The following CFB variants were observed in gnomAD, a reference collection of about 807,000 sequenced individuals.
CFB encodes the protein complement factor B.
Under a neutral mutation model 97.2 loss-of-function variants are expected in CFB, and 59 were observed. The observed-to-expected ratio is 0.61, with a 90% CI of 0.49 to 0.75. The LOEUF is 0.75. Among genes scored for constraint, CFB ranks in the 30% least tolerant of loss-of-function variants. The pLI is 0.00. For synonymous variants in CFB, 316 were observed against 351.7 expected (o/e 0.90, Z 1.14); for missense variants, 771 against 959.8 (o/e 0.80, Z 2.60).
Position 31,948,485 on chromosome 6 carries a change from A to G in CFB, c.1009A>G (p.Lys337Glu), listed in dbSNP as rs769828043. 6.2e-7 allele frequency: 1 copy of G among 1,614,086 alleles called. No homozygotes were observed. Among genetic ancestry groups the G allele is most frequent in the Admixed American group, 1.7e-5 (1 of 59,998 alleles). Residue 337 changes from lysine to glutamate, a missense_variant, in exon 7 of 18, where the codon AAG (lysine) becomes GAG (glutamate). By Grantham distance (56) the Lys-to-Glu change is moderately conservative. Transcript: ENST00000425368. The stretch of plus-strand genomic sequence containing the variant: ...CAGCAGTAATGCAGACTGGGTCACG[A>G]AGCAGCTCAATGAAATCAATTATGA... The part of the protein sequence containing the change: ...ADSSNADWVT[K>E]QLNEINYEDH...
rs761804327 is a variant in CFB at position 31,947,027 on chromosome 6, C to A, written c.319C>A (p.His107Asn). 3 of 1,613,012 alleles carry A rather than the reference C, an allele frequency of 1.9e-6. No homozygotes were observed. ...CAAAGCAATCCACTGTCCAAGACCA[C>A]ACGACTTCGAGAACGGGGAATACTG... ...ECRAIHCPRP[H>N]DFENGEYWPR... Residue 107 changes from histidine to asparagine, a missense_variant, in exon 3 of 18, where the codon CAC becomes AAC. Transcript: ENST00000425368. This position sits in a 1 kb window ranked among gnomAD's most constrained non-coding sequence, Gnocchi z 5.3.
At chr6:31,949,981 A>G in intron 10 of CFB, 69 bp from the exon 11 acceptor site, 2 of 1,470,992 alleles carry the variant, frequency 1.4e-6, no homozygotes, top group South Asian at 2.3e-5. Context: ...ATAGACTCCT[A>G]CCCAAAAGGC....
Position 31,946,167 on chromosome 6 carries a change from A to T in CFB, c.-55A>T. 1 of 1,589,022 alleles carries T rather than the reference A, an allele frequency of 6.3e-7. No homozygotes were observed. ...CTGAGCCAAGCAGACAAGCAAAGCA[A>T]GCCAGGACACACCATCCTGCCCCAG... On this transcript the variant is annotated 5_prime_UTR_variant, in exon 1 of 18. In the 5' UTR this introduces an upstream ATG that the reference lacks. Transcript: ENST00000425368. The surrounding 1 kb of genome is among the most constrained non-coding windows in gnomAD (Gnocchi z 6.4).
At chr6:31,949,969 C>A in intron 10 of CFB, 81 bp from the exon 11 acceptor site, 1 of 1,361,352 alleles carries the variant, frequency 7.3e-7, no homozygotes, top group Non-Finnish European at 1.1e-6. Context: ...CCTTTGCTCC[C>A]CATAGACTCC....
At position 31,950,705 on chromosome 6, in the gene CFB, G is replaced by T; in HGVS notation, c.1711G>T (p.Glu571Ter). 6.2e-7 allele frequency: 1 copy of T among 1,613,080 alleles called. No homozygotes were observed. The highest frequency in any genetic ancestry group is 8.5e-7 in the Non-Finnish European group (1 of 1,180,030). Residue 571 changes from glutamate (E) to a stop codon, truncating the protein, a stop_gained, in exon 13 of 18, where the codon GAA becomes TAA. Coordinates refer to ENST00000425368, the MANE Select transcript of CFB (RefSeq NM_001710.6). LOFTEE classifies it high-confidence loss of function. ...TGGGAAAAAAGAAGCAGGAATTCCT[G>T]AATTTTATGACTATGACGTTGCCCT... is the stretch of plus-strand genomic sequence containing the variant. ...INGKKEAGIP[E>*]FYDYDVALIK...
chr6:31,950,474 C>A, intron 12 of CFB, 71 bp downstream of exon 12: 1 of 1,562,418 alleles, frequency 6.4e-7, no homozygotes. Context: ...TTCTACAGAT[C>A]CTACACTCCA....
chr6:31,946,415 C>A lies in CFB; in HGVS notation c.107C>A (p.Ser36Tyr). The change falls in exon 2 of 18, where the codon TCC (serine) becomes TAC (tyrosine). Residue 36 changes from serine (S) to tyrosine (Y), a missense_variant. Ser to Tyr is a moderately radical substitution (Grantham distance 144). Transcript: ENST00000425368. This position sits in a 1 kb window ranked among gnomAD's most constrained non-coding sequence, Gnocchi z 6.4. Reference protein sequence around the residue: ...TPWSLARPQGSCSLEGVEIKG... With the variant: ...TPWSLARPQGYCSLEGVEIKG... ...TGGTCTTTGGCCCGGCCCCAGGGAT[C>A]CTGCTCTCTGGAGGGGGTAGAGATC... 6.2e-7 allele frequency: 1 copy of A among 1,613,082 alleles called. No homozygotes were observed. The highest frequency in any genetic ancestry group is 1.3e-5 in the African/African-American group (1 of 75,056).
chr6:31,951,873 A>G lies in CFB; in HGVS notation c.2140-2A>G. On this transcript the variant is annotated splice_acceptor_variant, in intron 17 of 17. Transcript: ENST00000425368. LOFTEE classifies it high-confidence loss of function. This position sits in a 1 kb window ranked among gnomAD's most constrained non-coding sequence, Gnocchi z 4.3. ...ATCCATGGCACCCCACTGCCTCTGC[A>G]GGTTGGTGTAATCAGCTGGGGAGTA... 2 of 1,613,232 alleles carry G rather than the reference A, an allele frequency of 1.2e-6. No homozygotes were observed. The highest frequency in any genetic ancestry group is 1.7e-6 in the Non-Finnish European group (2 of 1,180,024).
At chr6:31,948,764 T>C (rs1771584448) in intron 7 of CFB, 66 bp from the exon 8 acceptor site, 7 of 1,611,362 alleles carry the variant, frequency 4.3e-6, no homozygotes, top group Non-Finnish European at 5.9e-6. Flanking sequence ...AGTTGCAGAT[T>C]GGTCTCTGGG....
chr6:31,950,995 G>A (rs1434365039), intron 14 of CFB, 51 bp downstream of exon 14: 1 of 1,597,702 alleles, frequency 6.3e-7, no homozygotes, highest in Non-Finnish European at 8.6e-7. Flanking sequence ...GAGACAAGTG[G>A]GGCATGAGAG....
chr6:31,948,019 G>C lies in CFB; in HGVS notation c.835G>C (p.Asp279His). The change falls in exon 6 of 18, where the codon GAC becomes CAC. Residue 279 changes from aspartate (D) to histidine (H), a missense_variant. Coordinates refer to ENST00000425368, the MANE Select transcript of CFB (RefSeq NM_001710.6). ...MNIYLVLDGSDSIGASNFTGA... is the reference protein window; with the variant it reads ...MNIYLVLDGSHSIGASNFTGA... Reference sequence around the variant, plus strand: ...CATCTACCTGGTGCTAGATGGATCAGACAGCATTGGGGCCAGCAACTTCAC... The same window carrying C: ...CATCTACCTGGTGCTAGATGGATCACACAGCATTGGGGCCAGCAACTTCAC... The C allele has an allele frequency of 1.9e-6, 3 of 1,614,206 alleles. No individual in the cohort carries two copies. The highest frequency in any genetic ancestry group is 2.2e-5 in the East Asian group (1 of 44,882).
Position 31,950,882 on chromosome 6 carries a change from C to T in CFB, c.1793C>T (p.Pro598Leu). 1.2e-6 allele frequency: 2 copies of T among 1,613,018 alleles called. No homozygotes were observed. The highest frequency in any genetic ancestry group is 1.7e-6 in the Non-Finnish European group (2 of 1,180,016). The change falls in exon 14 of 18, where the codon CCC becomes CTC. Residue 598 changes from proline to leucine, a missense_variant. Coordinates refer to ENST00000425368, the MANE Select transcript of CFB (RefSeq NM_001710.6). ...GTCCTTTATAGGCCCATTTGTCTCC[C>T]CTGCACCGAGGGAACAACTCGAGCT... ...YGQTIRPICL[P>L]CTEGTTRALR...
Position 31,946,873 on chromosome 6 carries a change from G to T in CFB, c.299-134G>T. On this transcript the variant is annotated intron_variant, in intron 2 of 17. Coordinates refer to ENST00000425368, the MANE Select transcript of CFB (RefSeq NM_001710.6). This position sits in a 1 kb window ranked among gnomAD's most constrained non-coding sequence, Gnocchi z 6.4. Reference sequence around the variant, plus strand: ...GCAGTGGAAATCCATATGGGTTGAGGAGTAGGTAAGATGCTGCTTCTGCGG... The same window carrying T: ...GCAGTGGAAATCCATATGGGTTGAGTAGTAGGTAAGATGCTGCTTCTGCGG... 2.2e-6 allele frequency: 2 copies of T among 914,104 alleles called. No individual in the cohort carries two copies. Among genetic ancestry groups the T allele is most frequent in the Non-Finnish European group, 3.5e-6 (2 of 569,808 alleles). 56.6% of individuals were successfully genotyped at this position (914,104 alleles called of 1,614,324 possible). A position where few individuals can be genotyped will look rare whatever the true frequency, so the allele number is the denominator to read the frequency against.
At position 31,947,243 on chromosome 6, in the gene CFB, C is replaced by A; in HGVS notation, c.484+51C>A. 6.2e-7 allele frequency: 1 copy of A among 1,610,442 alleles called. No individual in the cohort carries two copies. ...TTGCTGTCTCCCTGACGGCGCCCAG[C>A]CCGAGGAGTGGGCACTCGGCTCCGG... On this transcript the variant is annotated intron_variant, in intron 3 of 17. Coordinates refer to ENST00000425368, the MANE Select transcript of CFB (RefSeq NM_001710.6). This position sits in a 1 kb window ranked among gnomAD's most constrained non-coding sequence, Gnocchi z 5.3.
Position 31,949,577 on chromosome 6 carries a change from T to C in CFB, c.1408+20T>C, listed in dbSNP as rs1182519999. The C allele has an allele frequency of 6.2e-7, 1 of 1,612,662 alleles. No homozygotes were observed. On this transcript the variant is annotated intron_variant, in intron 10 of 17. Transcript: ENST00000425368. ...TGATCGGTAGGGAGATACAAGGGAA[T>C]AAAGAACACAACTCTCCTCAGGTTC...
chr6:31,948,287 CCTCCCTGTCCCAGCAAAGTCGCTGAAAT>C lies in CFB; in HGVS notation c.898-81_898-54del, dbSNP rs1452435749. 3 of 1,577,204 alleles carry C rather than the reference CCTCCCTGTCCCAGCAAAGTCGCTGAAAT, an allele frequency of 1.9e-6. No individual in the cohort carries two copies. In the African/African-American group the frequency reaches 4.0e-5, roughly 21 times the overall value. ...CAGCCCTTGAGCCTCTTACTGAGAG[CCTCCCTGTCCCAGCAAAGTCGCTGAAAT>C]CTCCCAATCACAGTATTCTATTTTC... On this transcript the variant is annotated intron_variant, in intron 6 of 17. Transcript: ENST00000425368.
chr6:31,950,360 T>C lies in CFB; in HGVS notation c.1581T>C (p.Cys527=). The change falls in exon 12 of 18, where the codon TGT becomes TGC. Residue 527 remains cysteine, a synonymous_variant. Coordinates refer to ENST00000425368, the MANE Select transcript of CFB (RefSeq NM_001710.6). ...ACTTTGTGCTGACAGCAGCACATTG[T>C]TTCACTGTGGATGACAAGGAACACT... ...SEYFVLTAAH[C]FTVDDKEHSI... 6.2e-7 allele frequency: 1 copy of C among 1,613,088 alleles called. No individual in the cohort carries two copies. The highest frequency in any genetic ancestry group is 8.5e-7 in the Non-Finnish European group (1 of 1,180,030).
chr6:31,949,050 G>T (rs1041113557), intron 8 of CFB, 89 bp downstream of exon 8: 5 of 1,589,636 alleles, frequency 3.1e-6, no homozygotes, highest in Admixed American at 1.7e-5. Flanking sequence ...CTATACCCAT[G>T]GTTGGGGCCC....
chr6:31,947,619 C>A lies in CFB; in HGVS notation c.658+98C>A. On this transcript the variant is annotated intron_variant, in intron 4 of 17. Transcript: ENST00000425368. This position sits in a 1 kb window ranked among gnomAD's most constrained non-coding sequence, Gnocchi z 5.3. ...CTGCTCTTTCCTCACTTTGTTTAAA[C>A]CTCCCTGTACAACTATCTCACTTCT... 6.3e-7 allele frequency: 1 copy of A among 1,583,304 alleles called. No homozygotes were observed. The highest frequency in any genetic ancestry group is 8.7e-7 in the Non-Finnish European group (1 of 1,153,496).
Sources: gnomAD v4.1 joint callset for allele counts on GRCh38, gnomAD v4.1.1 for gene constraint, Gnocchi (gnomAD v3.1) non-coding constraint, MANE v1.5 for transcripts, NCBI Gene and HGNC (gene_info 2026-07-23, HGNC 2026-07-21) for gene names.